MED12L: variants seen among roughly 807,000 people sequenced by gnomAD.
The protein encoded by MED12L is mediator of RNA polymerase II transcription subunit 12-like protein.
In MED12L, 60 loss-of-function variants were observed where a neutral mutation model predicts 281.3. The observed-to-expected ratio is 0.21, with a 90% CI of 0.17 to 0.26. MED12L has a LOEUF of 0.26. Ranked by LOEUF, MED12L falls within the 10% of genes least tolerant of loss-of-function variation. The probability of loss-of-function intolerance (pLI) is 1.00; values close to 1 mark genes in which losing one functional copy is unlikely to be tolerated. For synonymous variants in MED12L, 974 were observed against 987.2 expected (o/e 0.99, Z 0.25); for missense variants, 2,146 against 2,680.9 (o/e 0.80, Z 4.41).
intron 16 of MED12L, among the ~76,000 whole-genome samples, chr3:151,216,808 TTTTAGCTG>T (rs1444227925): frequency 3.3e-5 from 5 of 152,202 alleles, no homozygotes; most frequent in African/African-American, 1.2e-4. Flanking sequence ...CATTTTCCAT[TTTTAGCTG>T]TCTACTGTGA....
chr3:151,192,778 C>T, intron 15 of MED12L, 124 bp downstream of exon 15: 1 of 696,172 alleles, frequency 1.4e-6, no homozygotes, highest in East Asian at 2.7e-5. Flanking sequence ...TTGCCATATT[C>T]TTCCTTTGGT....
intron 16 of MED12L, chr3:151,269,934 A>G (rs1032677242): frequency 3.8e-5 from 16 of 425,584 alleles, no homozygotes; most frequent in Non-Finnish European, 6.8e-5. Flanking sequence ...GAGTTGGGAG[A>G]GTTCATCAAA....
intron 2 of MED12L, among the ~76,000 whole-genome samples, chr3:151,116,134 T>A (rs1252024588): frequency 6.6e-6 from 1 of 151,466 alleles, no homozygotes; most frequent in East Asian, 1.9e-4. Flanking sequence ...GAGTCAACAG[T>A]TAACATTTGC....
intron 5 of MED12L, among the ~76,000 whole-genome samples, chr3:151,140,382 C>T (rs1716748896): frequency 6.6e-6 from 1 of 152,152 alleles, no homozygotes; most frequent in South Asian, 2.1e-4. Context: ...ACTGAAACTG[C>T]CCATTGAACA....
At chr3:151,185,515 T>A in intron 12 of MED12L, 54 bp downstream of exon 12, 1 of 1,588,716 alleles carries the variant, frequency 6.3e-7, no homozygotes, top group Non-Finnish European at 8.6e-7. Context: ...AAATACTGTT[T>A]TGGGGAAGAT....
At chr3:151,262,920 T>C (rs1739166293) in intron 16 of MED12L, among the ~76,000 whole-genome samples, 1 of 152,174 alleles carries the variant, frequency 6.6e-6, no homozygotes, top group African/African-American at 2.4e-5. Context: ...GCATTTTGCC[T>C]GAAGACACGT....
intron 5 of MED12L, among the ~76,000 whole-genome samples, chr3:151,144,277 A>T (rs1207345662): frequency 6.6e-6 from 1 of 152,198 alleles, no homozygotes; most frequent in African/African-American, 2.4e-5. Flanking sequence ...GGAAAAAAAA[A>T]TCCCTAAATG....
At chr3:151,136,770 A>G (rs1222307166) in intron 5 of MED12L, among the ~76,000 whole-genome samples, 1 of 152,280 alleles carries the variant, frequency 6.6e-6, no homozygotes, top group Non-Finnish European at 1.5e-5. Flanking sequence ...TAAAAAAGGC[A>G]GAATAAATGC....
At chr3:151,343,168 C>G (rs1011045771) in intron 16 of MED12L, among the ~76,000 whole-genome samples, 4 of 152,164 alleles carry the variant, frequency 2.6e-5, no homozygotes, top group African/African-American at 9.7e-5. Context: ...CCATACTCTC[C>G]TTTACAGCAA....
intron 16 of MED12L, among the ~76,000 whole-genome samples, chr3:151,250,925 A>C (rs1387094951): frequency 6.6e-6 from 1 of 152,070 alleles, no homozygotes; most frequent in Non-Finnish European, 1.5e-5. Flanking sequence ...CCTTGCTAAC[A>C]CTTGTTTTCC....
intron 22 of MED12L, among the ~76,000 whole-genome samples, chr3:151,365,612 A>C (rs1755176525): frequency 6.6e-6 from 1 of 152,192 alleles, no homozygotes; most frequent in South Asian, 2.1e-4. Flanking sequence ...AAAATATTCT[A>C]ATTCGTGTAT....
intron 11 of MED12L, among the ~76,000 whole-genome samples, chr3:151,177,020 A>G (rs984716047): frequency 2.0e-5 from 3 of 152,262 alleles, no homozygotes; most frequent in African/African-American, 4.8e-5. Context: ...TAAGTCTAGC[A>G]TGTGTTAGAG....
chr3:151,377,165 A>C lies in MED12L; in HGVS notation c.4303A>C (p.Lys1435Gln), dbSNP rs770548081. 2 of 1,609,214 alleles carry C rather than the reference A, an allele frequency of 1.2e-6. No individual in the cohort carries two copies. The highest frequency in any genetic ancestry group is 1.3e-5 in the African/African-American group (1 of 74,862). The change falls in exon 30 of 45, where the codon AAG (lysine) becomes CAG (glutamine). Residue 1435 changes from lysine to glutamine, a missense_variant. Physicochemically the swap from Lys to Gln is moderately conservative, Grantham distance 53. Transcript: ENST00000687756. ...DTSSTRQNGI[K>Q]TFLSSSERRG... is the part of the protein sequence containing the mutation. ...AAGTAGCACGAGACAGAATGGAATA[A>C]AGACATTCCTAAGGTATTTTTGTCT... is the stretch of plus-strand genomic sequence containing the variant.
At position 151,394,809 on chromosome 3, in the gene MED12L, T is replaced by TGCA. The variant is rs781751830; in HGVS notation, c.5775_5777dup (p.Gln1927dup). The stretch of plus-strand genomic sequence containing the variant: ...CAGCAGTTGATACAGATGAAGCTTC[T>TGCA]GCAGCAGCAGCAGCAACAGCGACTT... On this transcript the variant is annotated inframe_insertion, in exon 39 of 45. Transcript: ENST00000687756. 46 of 1,613,640 alleles carry TGCA rather than the reference T, an allele frequency of 2.9e-5. No individual in the cohort carries two copies. The highest frequency in any genetic ancestry group is 6.7e-5 in the Admixed American group (4 of 60,010).
chr3:151,357,317 C>T lies in MED12L; in HGVS notation c.2766C>T (p.Leu922=). 1.2e-6 allele frequency: 2 copies of T among 1,613,886 alleles called. No individual in the cohort carries two copies. Among genetic ancestry groups the T allele is most frequent in the Non-Finnish European group, 1.7e-6 (2 of 1,179,854 alleles). The change falls in exon 20 of 45, where the codon CTC becomes CTT. Residue 922 remains leucine, a synonymous_variant. Coordinates refer to ENST00000687756, the MANE Select transcript of MED12L (RefSeq NM_001393769.1). ...TGTGTGTCTGCATCGTGGCTGTTCT[C>T]AGGCGCTATCACAGTTGTCTAATCT... The part of the protein sequence containing the change: ...TGLCVCIVAV[L]RRYHSCLILN...
chr3:151,382,851 G>A, intron 33 of MED12L, 106 bp downstream of exon 33: 1 of 789,982 alleles, frequency 1.3e-6, no homozygotes, highest in Non-Finnish European at 2.0e-6. Context: ...ACAAGGTGAG[G>A]CCTTCCACTC....
chr3:151,274,561 C>T (rs979074038), intron 16 of MED12L, among the ~76,000 whole-genome samples: 2 of 152,210 alleles, frequency 1.3e-5, no homozygotes, highest in Non-Finnish European at 2.9e-5. Context: ...AACTAAGTAT[C>T]ATTTTTCATA....
rs1257704973 is a variant in MED12L at position 151,434,633 on chromosome 3, T to G, written c.*1829T>G. The G allele has an allele frequency of 6.6e-6, 1 of 152,242 alleles. No individual in the cohort carries two copies. Among genetic ancestry groups the G allele is most frequent in the East Asian group, 1.9e-4 (1 of 5,200 alleles). The allele number at this position is 152,242 out of a possible 1,614,324, so 9.4% of individuals were successfully genotyped here. A position where few individuals can be genotyped will look rare whatever the true frequency, so the allele number is the denominator to read the frequency against. On this transcript the variant is annotated 3_prime_UTR_variant, in exon 45 of 45. Coordinates refer to ENST00000687756, the MANE Select transcript of MED12L (RefSeq NM_001393769.1). ...AAGTTGTTTTCTTCAAAGTAATATA[T>G]CTATATAATGACTGCATTGGCAAAT...
At chr3:151,332,076 T>C (rs16863319) in intron 16 of MED12L, among the ~76,000 whole-genome samples, 4,006 of 152,316 alleles carry the variant, frequency 0.026, 165 homozygotes, top group African/African-American at 0.092. Context: ...TGTGAAACTT[T>C]ATGCCAATGT....
Sources: allele counts gnomAD v4.1 joint callset (sites outside exome capture counted in the v4.1 genomes callset), GRCh38; gene constraint gnomAD v4.1.1; transcripts MANE v1.5; gene names NCBI Gene and HGNC (gene_info 2026-07-23, HGNC 2026-07-21).